Variants in LRRC4C observed in about 807,000 individuals in gnomAD.
The protein encoded by LRRC4C is leucine rich repeat containing 4C.
LRRC4C carries 5 observed loss-of-function variants against 33.6 expected under a neutral mutation model. That is an observed-to-expected ratio of 0.15 (90% CI 0.08 to 0.31). The LOEUF (loss-of-function observed/expected upper bound fraction) is 0.31, where lower values mean the gene tolerates loss of function less well. Ranked by LOEUF, LRRC4C falls within the 10% of genes least tolerant of loss-of-function variation. The pLI, the probability that LRRC4C is intolerant of heterozygous loss-of-function variation, is 1.00. For missense variants in LRRC4C, 560 were observed against 796.7 expected (o/e 0.70, Z 3.58); for synonymous variants, 329 against 302.0 (o/e 1.09, Z -0.93).
intron 3 of LRRC4C, among the ~76,000 whole-genome samples, chr11:40,539,326 C>A (rs1956607496): frequency 6.6e-6 from 1 of 152,094 alleles, no homozygotes; most frequent in African/African-American, 2.4e-5. Flanking sequence ...CTCAGTAGTA[C>A]CTATATTGAT....
intron 1 of LRRC4C, among the ~76,000 whole-genome samples, chr11:41,062,005 T>A (rs1937809331): frequency 6.6e-6 from 1 of 152,216 alleles, no homozygotes; most frequent in African/African-American, 2.4e-5. Flanking sequence ...AGCAAAATCC[T>A]CTTGGTCCTT....
intron 4 of LRRC4C, among the ~76,000 whole-genome samples, chr11:40,314,329 C>T (rs1425599617): frequency 2.6e-5 from 4 of 151,728 alleles, no homozygotes; most frequent in East Asian, 1.9e-4. Flanking sequence ...CAGGGAAATG[C>T]CAATTAAAAC....
chr11:41,140,993 G>A (rs1056363823), intron 1 of LRRC4C, among the ~76,000 whole-genome samples: 5 of 152,020 alleles, frequency 3.3e-5, no homozygotes, highest in Non-Finnish European at 7.4e-5. Context: ...TATACAACGG[G>A]AGTAAGAAGA....
intron 2 of LRRC4C, among the ~76,000 whole-genome samples, chr11:40,852,578 T>G (rs1953563371): frequency 6.6e-6 from 1 of 152,160 alleles, no homozygotes; most frequent in South Asian, 2.1e-4. Context: ...TGTGTTAACA[T>G]TTTAACATTT....
At chr11:40,918,484 T>C (rs1957050596) in intron 2 of LRRC4C, among the ~76,000 whole-genome samples, 1 of 152,060 alleles carries the variant, frequency 6.6e-6, no homozygotes, top group East Asian at 1.9e-4. Flanking sequence ...AAATCAGCCT[T>C]GCCAATTCCC....
At chr11:40,393,928 A>C (rs1371937700) in intron 3 of LRRC4C, among the ~76,000 whole-genome samples, 1 of 152,118 alleles carries the variant, frequency 6.6e-6, no homozygotes, top group Admixed American at 6.6e-5. Context: ...GGATGCACAT[A>C]TGACTCTTAA....
At chr11:41,130,538 A>T (rs1942963289) in intron 1 of LRRC4C, among the ~76,000 whole-genome samples, 1 of 152,142 alleles carries the variant, frequency 6.6e-6, no homozygotes, top group East Asian at 1.9e-4. Flanking sequence ...TCATCCAGAC[A>T]TTTACTGTAT....
intron 5 of LRRC4C, among the ~76,000 whole-genome samples, chr11:40,218,918 C>T (rs1056377469): frequency 6.6e-6 from 1 of 152,104 alleles, no homozygotes; most frequent in Non-Finnish European, 1.5e-5. Context: ...GATCTCTGTA[C>T]TTCCCAATCC....
chr11:41,205,977 T>G (rs1283768490), intron 1 of LRRC4C, among the ~76,000 whole-genome samples: 1 of 152,178 alleles, frequency 6.6e-6, no homozygotes, highest in Non-Finnish European at 1.5e-5. Context: ...CCAGTGTTTC[T>G]ACACTGAAGT....
chr11:41,239,097 C>T (rs900834686), intron 1 of LRRC4C, among the ~76,000 whole-genome samples: 1 of 147,832 alleles, frequency 6.8e-6, no homozygotes, highest in Admixed American at 6.8e-5. Flanking sequence ...GGGCGGATCA[C>T]GAGGTCAGGA....
intron 6 of LRRC4C, among the ~76,000 whole-genome samples, chr11:40,122,029 AG>A (rs1200488758): frequency 1.3e-5 from 2 of 152,066 alleles, no homozygotes; most frequent in Non-Finnish European, 2.9e-5. Context: ...CTTCCACCAA[AG>A]CAAATGGCTT....
chr11:41,326,802 G>C (rs915685774), intron 1 of LRRC4C, among the ~76,000 whole-genome samples: 1 of 152,120 alleles, frequency 6.6e-6, no homozygotes, highest in Non-Finnish European at 1.5e-5. Context: ...TATTGTATGT[G>C]TTAAGAAAAA....
At chr11:40,217,416 A>C (rs1055342648) in intron 5 of LRRC4C, among the ~76,000 whole-genome samples, 1 of 152,120 alleles carries the variant, frequency 6.6e-6, no homozygotes, top group Non-Finnish European at 1.5e-5. Flanking sequence ...ACAGACAAAG[A>C]CTGTAACAAA....
At chr11:40,287,950 G>C (rs941706277) in intron 4 of LRRC4C, among the ~76,000 whole-genome samples, 5 of 152,140 alleles carry the variant, frequency 3.3e-5, no homozygotes, top group Non-Finnish European at 7.4e-5. Flanking sequence ...TGAACTTAGA[G>C]TAACAGCTTC....
At chr11:41,405,491 GA>G (rs756160270) in intron 1 of LRRC4C, among the ~76,000 whole-genome samples, 1 of 152,034 alleles carries the variant, frequency 6.6e-6, no homozygotes, top group African/African-American at 2.4e-5. Context: ...TAGGCTGTTG[GA>G]AAAATAAGAA....
At position 41,270,974 on chromosome 11, in the gene LRRC4C, C is replaced by T. The variant is rs116637307; in HGVS notation, c.-496+188457G>A. ...GTGTCTCTGTATCTTAAACCTCCCTCCCCTTTCTCCTATAAATCAAATCAT... is the reference window on the plus strand; with the variant it reads ...GTGTCTCTGTATCTTAAACCTCCCTTCCCTTTCTCCTATAAATCAAATCAT... On this transcript the variant is annotated intron_variant, in intron 1 of 6. Coordinates refer to ENST00000528697, the MANE Select transcript of LRRC4C (RefSeq NM_001258419.2). Among the ~76,000 whole-genome samples, 862 of 152,172 alleles carry T rather than the reference C, an allele frequency of 5.7e-3. 8 individuals carry two copies. The highest frequency in any genetic ancestry group is 0.019 in the African/African-American group (802 of 41,548).
chr11:40,496,937 G>C (rs762728276), intron 3 of LRRC4C, among the ~76,000 whole-genome samples: 1 of 152,142 alleles, frequency 6.6e-6, no homozygotes, highest in Non-Finnish European at 1.5e-5. Context: ...TATTGTCTTG[G>C]AGAAGTGCTA....
intron 3 of LRRC4C, among the ~76,000 whole-genome samples, chr11:40,535,720 C>T (rs1482413343): frequency 6.6e-6 from 1 of 152,122 alleles, no homozygotes; most frequent in Non-Finnish European, 1.5e-5. Flanking sequence ...CATGCTGATG[C>T]CATCTCATTA....
chr11:40,559,918 C>A (rs540962587), intron 3 of LRRC4C, among the ~76,000 whole-genome samples: 1 of 152,120 alleles, frequency 6.6e-6, no homozygotes, highest in South Asian at 2.1e-4. Context: ...ACATGAAAAT[C>A]ATTAAACCAT....
Sources: gnomAD v4.1 joint callset for allele counts (sites outside exome capture counted in the v4.1 genomes callset) on GRCh38, gnomAD v4.1.1 for gene constraint, MANE v1.5 for transcripts, NCBI Gene and HGNC (gene_info 2026-07-23, HGNC 2026-07-21) for gene names.